The following NRXN1 variants were observed in gnomAD, a reference collection of about 807,000 sequenced individuals.
NRXN1 encodes neurexin-1.
A neutral mutation model predicts 150.9 loss-of-function variants in NRXN1; 39 were observed. That is an observed-to-expected ratio of 0.26 (90% CI 0.20 to 0.34). The LOEUF is 0.34. NRXN1 is among the 10% of genes least tolerant of loss of function. NRXN1 has a pLI of 1.00. For synonymous variants in NRXN1, 924 were observed against 757.0 expected (o/e 1.22, Z -3.62); for missense variants, 1,815 against 1,949.9 (o/e 0.93, Z 1.30).
intron 2 of NRXN1, among the ~76,000 whole-genome samples, chr2:50,931,481 G>A (rs1022802918): frequency 2.0e-5 from 3 of 151,808 alleles, no homozygotes; most frequent in South Asian, 2.1e-4. Flanking sequence ...TGATATGACC[G>A]ACCTGACAAT....
chr2:50,369,670 A>G (rs2079867629), intron 17 of NRXN1, among the ~76,000 whole-genome samples: 1 of 152,016 alleles, frequency 6.6e-6, no homozygotes, highest in Non-Finnish European at 1.5e-5. Flanking sequence ...AAACACCTAC[A>G]TATCTGAAGC....
At chr2:50,845,517 C>T (rs964782891) in intron 5 of NRXN1, among the ~76,000 whole-genome samples, 3 of 152,132 alleles carry the variant, frequency 2.0e-5, no homozygotes, top group Admixed American at 1.3e-4. Flanking sequence ...TTCTTCATGG[C>T]GTTTTTCACC....
chr2:50,986,016 T>A (rs905951050), intron 2 of NRXN1, among the ~76,000 whole-genome samples: 3 of 151,608 alleles, frequency 2.0e-5, no homozygotes, highest in Non-Finnish European at 4.4e-5. Context: ...CCAATAAATA[T>A]ATTTAATGAC....
At chr2:50,582,130 T>C (rs1357480929) in intron 8 of NRXN1, among the ~76,000 whole-genome samples, 3 of 152,286 alleles carry the variant, frequency 2.0e-5, no homozygotes, top group African/African-American at 4.8e-5. Flanking sequence ...AAAGTTTTCT[T>C]AGCTGCAGGA....
intron 17 of NRXN1, 42 bp from the exon 18 acceptor site, chr2:50,237,012 A>C: frequency 6.3e-7 from 1 of 1,587,798 alleles, no homozygotes; most frequent in Non-Finnish European, 8.6e-7. Context: ...AAATACATCA[A>C]GTCTGCACAT....
At chr2:50,470,220 A>G (rs1010355981) in intron 16 of NRXN1, among the ~76,000 whole-genome samples, 1 of 151,758 alleles carries the variant, frequency 6.6e-6, no homozygotes, top group Admixed American at 6.6e-5. Context: ...CTCACTAATG[A>G]GATCACCTCC....
chr2:50,447,738 TATATATATATATATATATATA>T (rs1455897703), intron 17 of NRXN1, among the ~76,000 whole-genome samples: 1 of 60,550 alleles, frequency 1.7e-5, no homozygotes, highest in Non-Finnish European at 3.2e-5. Flanking sequence ...AGGGGAACGT[TATATATATATATATATATATA>T]TATATATATA....
intron 5 of NRXN1, among the ~76,000 whole-genome samples, chr2:50,664,217 C>T (rs147550530): frequency 4.7e-4 from 72 of 151,964 alleles, no homozygotes; most frequent in East Asian, 2.5e-3. Flanking sequence ...AAACAGAATG[C>T]GTAACTTTCC....
chr2:50,672,417 C>T (rs1031744431), intron 5 of NRXN1, among the ~76,000 whole-genome samples: 3 of 151,906 alleles, frequency 2.0e-5, no homozygotes, highest in African/African-American at 7.2e-5. Flanking sequence ...AGAAAACTTG[C>T]CTTGGTCATA....
intron 17 of NRXN1, among the ~76,000 whole-genome samples, chr2:50,254,000 C>T (rs1307800134): frequency 2.6e-5 from 4 of 151,842 alleles, no homozygotes; most frequent in Non-Finnish European, 5.9e-5. Flanking sequence ...TACCAGCTCC[C>T]CTCTGTATCT....
At position 49,921,213 on chromosome 2, in the gene NRXN1, T is replaced by C. The variant is rs2103982803; in HGVS notation, c.*731A>G. 1 of 152,742 alleles carries C rather than the reference T, an allele frequency of 6.5e-6. No homozygotes were observed. The highest frequency in any genetic ancestry group is 2.1e-4 in the South Asian group (1 of 4,824). 9.5% of individuals were successfully genotyped at this position (152,742 alleles called of 1,614,324 possible). A position where few individuals can be genotyped will look rare whatever the true frequency, so the allele number is the denominator to read the frequency against. ...TTTTATATAAACATATGTAATAACA[T>C]AATAAGCGTGCATGAAAATTTCCCA... On this transcript the variant is annotated 3_prime_UTR_variant, in exon 23 of 23. Coordinates refer to ENST00000401669, the MANE Select transcript of NRXN1 (RefSeq NM_001330078.2).
At chr2:50,865,621 C>T (rs1676782384) in intron 5 of NRXN1, among the ~76,000 whole-genome samples, 1 of 113,038 alleles carries the variant, frequency 8.8e-6, no homozygotes. Context: ...TGTGTAGTAG[C>T]ACCTGGCACA....
At chr2:49,945,378 G>T (rs535389974) in intron 21 of NRXN1, among the ~76,000 whole-genome samples, 2 of 149,876 alleles carry the variant, frequency 1.3e-5, no homozygotes, top group South Asian at 4.2e-4. Context: ...TTGATAATTT[G>T]TGGGGGTTTT....
At position 50,560,424 on chromosome 2, in the gene NRXN1, G is replaced by GTTTGTTTATTTA. The variant is rs367680337; in HGVS notation, c.1321-7400_1321-7399insTAAATAAACAAA. Among the ~76,000 whole-genome samples the GTTTGTTTATTTA allele has an allele frequency of 5.4e-4, 48 of 89,532 alleles. 2 individuals are homozygous for GTTTGTTTATTTA. Among genetic ancestry groups the GTTTGTTTATTTA allele is most frequent in the Middle Eastern group, 6.6e-3 (1 of 152 alleles). The allele number at this position is 89,532 out of a possible 152,430, so 58.7% of individuals were successfully genotyped here. On this transcript the variant is annotated intron_variant, in intron 8 of 22. Coordinates refer to ENST00000401669, the MANE Select transcript of NRXN1 (RefSeq NM_001330078.2). ...CCCTGTACAAAGTAGTCTGATGTATGTTTATTTATTTATTTATTTATTTAT... is the reference window on the plus strand; with the variant it reads ...CCCTGTACAAAGTAGTCTGATGTATGTTTGTTTATTTATTTATTTATTTATTTATTTATTTAT...
intron 5 of NRXN1, among the ~76,000 whole-genome samples, chr2:50,882,632 G>T (rs1296071285): frequency 1.3e-5 from 2 of 151,760 alleles, no homozygotes; most frequent in Admixed American, 1.3e-4. Flanking sequence ...CGAACCCACA[G>T]GTGCCCACAG....
At chr2:50,916,473 T>C (rs1685229937) in intron 5 of NRXN1, among the ~76,000 whole-genome samples, 1 of 150,658 alleles carries the variant, frequency 6.6e-6, no homozygotes, top group Non-Finnish European at 1.5e-5. Flanking sequence ...GTGTTGATGG[T>C]TGTTAAAAAT....
intron 17 of NRXN1, among the ~76,000 whole-genome samples, chr2:50,445,931 G>A (rs996527544): frequency 2.0e-5 from 3 of 151,982 alleles, no homozygotes; most frequent in African/African-American, 7.3e-5. Context: ...CTGAAACATG[G>A]TATTGACATT....
chr2:50,979,802 T>C (rs1482143744), intron 2 of NRXN1, among the ~76,000 whole-genome samples: 1 of 152,176 alleles, frequency 6.6e-6, no homozygotes, highest in African/African-American at 2.4e-5. Context: ...TTCATTTATA[T>C]TTCCCTAAGT....
intron 5 of NRXN1, among the ~76,000 whole-genome samples, chr2:50,890,891 T>C (rs1680943154): frequency 6.6e-6 from 1 of 151,984 alleles, no homozygotes; most frequent in East Asian, 1.9e-4. Flanking sequence ...TTCAGTAATA[T>C]CATTATTCTT....
Sources: allele counts gnomAD v4.1 joint callset (sites outside exome capture counted in the v4.1 genomes callset), GRCh38; gene constraint gnomAD v4.1.1; transcripts MANE v1.5; gene names NCBI Gene and HGNC (gene_info 2026-07-23, HGNC 2026-07-21).